PAFAH2: variants seen among roughly 807,000 people sequenced by gnomAD.
PAFAH2 encodes the protein platelet activating factor acetylhydrolase 2.
Under a neutral mutation model 49.0 loss-of-function variants are expected in PAFAH2, and 42 were observed. That is an observed-to-expected ratio of 0.86 (90% confidence interval 0.67 to 1.11). The LOEUF (loss-of-function observed/expected upper bound fraction) is 1.11. PAFAH2 is among the 50% of genes least tolerant of loss of function. The pLI is 0.00. For synonymous variants in PAFAH2, 184 were observed against 181.3 expected (o/e 1.01, Z -0.12); for missense variants, 503 against 501.8 (o/e 1.00, Z -0.02).
intron 8 of PAFAH2, among the ~76,000 whole-genome samples, chr1:25,975,719 A>T (rs548886829): frequency 6.6e-6 from 1 of 152,290 alleles, no homozygotes; most frequent in Non-Finnish European, 1.5e-5. Context: ...TAAATTTATC[A>T]TCTTTCACAT....
chr1:25,990,682 G>A (rs181070123), intron 2 of PAFAH2, 45 bp downstream of exon 2: 90 of 1,468,028 alleles, frequency 6.1e-5, no homozygotes, highest in South Asian at 3.5e-4. Flanking sequence ...TCACGGTGCC[G>A]GCAGAAGCAG....
At position 25,976,673 on chromosome 1, in the gene PAFAH2, G is replaced by T. The variant is rs374985340; in HGVS notation, c.758+9C>A. On this transcript the variant is annotated intron_variant, in intron 8 of 10. Coordinates refer to ENST00000374282, the MANE Select transcript of PAFAH2 (RefSeq NM_000437.4). ...GAGCTAAGCACAGCAACACTACTAG[G>T]AAACTCACCGAAATTGGGTCTCCTT... The T allele has an allele frequency of 5.6e-6, 9 of 1,607,376 alleles. No homozygotes were observed. The African/African-American group carries it at 1.1e-4, about 19-fold the overall frequency.
At chr1:25,995,256 G>A (rs930109073) in intron 1 of PAFAH2, among the ~76,000 whole-genome samples, 3 of 152,084 alleles carry the variant, frequency 2.0e-5, no homozygotes, top group Non-Finnish European at 2.9e-5. Flanking sequence ...TCCATTATCT[G>A]GTAACCAATC....
intron 10 of PAFAH2, among the ~76,000 whole-genome samples, chr1:25,967,525 G>A (rs540803991): frequency 6.8e-6 from 1 of 148,092 alleles, no homozygotes; most frequent in African/African-American, 2.5e-5. Flanking sequence ...AGTGAAGATG[G>A]GGGTTTCCCA....
At chr1:25,988,180 G>T in intron 4 of PAFAH2, 51 bp downstream of exon 4, 1 of 1,166,446 alleles carries the variant, frequency 8.6e-7, no homozygotes, top group Non-Finnish European at 1.2e-6. Context: ...AGACTCAGCA[G>T]CTGTCACCAG....
intron 10 of PAFAH2, among the ~76,000 whole-genome samples, chr1:25,962,846 A>G (rs1375724166): frequency 1.3e-5 from 2 of 151,912 alleles, no homozygotes; most frequent in African/African-American, 4.8e-5. Context: ...AGGCTGAGAA[A>G]ATGAAAAGTC....
intron 1 of PAFAH2, among the ~76,000 whole-genome samples, chr1:25,996,529 C>T (rs2124376918): frequency 6.6e-6 from 1 of 152,148 alleles, no homozygotes; most frequent in East Asian, 1.9e-4. Flanking sequence ...GTAGTCCCAG[C>T]TACTTGGGAG....
intron 10 of PAFAH2, among the ~76,000 whole-genome samples, chr1:25,963,628 T>C (rs1052789564): frequency 6.6e-6 from 1 of 152,156 alleles, no homozygotes; most frequent in Non-Finnish European, 1.5e-5. Flanking sequence ...CTCAGCCTCC[T>C]AAGTAGCTGG....
Position 25,970,994 on chromosome 1 carries a change from G to A in PAFAH2, c.1084+1564C>T, listed in dbSNP as rs145200083. Among the ~76,000 whole-genome samples the A allele has an allele frequency of 2.2e-3, 340 of 152,244 alleles. 2 individuals carry two copies. Among genetic ancestry groups the A allele is most frequent in the African/African-American group, 7.6e-3 (315 of 41,546 alleles). ...GAACCGGGACAGGTGGAGGTACCAC[G>A]AACATTTAGTTTAATAAACAGAACA... On this transcript the variant is annotated intron_variant, in intron 10 of 10. Transcript: ENST00000374282.
chr1:25,983,501 G>A (rs989336012), intron 6 of PAFAH2, among the ~76,000 whole-genome samples: 1 of 151,104 alleles, frequency 6.6e-6, no homozygotes, highest in African/African-American at 2.4e-5. Flanking sequence ...AGACTGCAGT[G>A]AGCCATGATC....
chr1:25,979,479 G>A (rs1032897340), intron 7 of PAFAH2, among the ~76,000 whole-genome samples: 6 of 151,840 alleles, frequency 4.0e-5, no homozygotes, highest in Admixed American at 3.3e-4. Flanking sequence ...ATGTCACCAC[G>A]CCCAGCTAAA....
chr1:25,987,379 G>A (rs1422267874), intron 4 of PAFAH2, among the ~76,000 whole-genome samples: 1 of 152,134 alleles, frequency 6.6e-6, no homozygotes, highest in Non-Finnish European at 1.5e-5. Flanking sequence ...AACATTCTGG[G>A]ACCTAAACTA....
chr1:25,962,778 T>C lies in PAFAH2; in HGVS notation c.1085-695A>G, dbSNP rs2049358082. ...AGTTGGCGGCAGTGAGCTGTGATAA[T>C]GCCACTGCACTCCAACCTGGGCAAC... On this transcript the variant is annotated intron_variant, in intron 10 of 10. Transcript: ENST00000374282. Among the ~76,000 whole-genome samples, 3 of 147,772 alleles carry C rather than the reference T, an allele frequency of 2.0e-5. No homozygotes were observed. The South Asian group carries it at 6.4e-4, about 31-fold the overall frequency.
At chr1:25,964,527 G>A (rs1204920111) in intron 10 of PAFAH2, among the ~76,000 whole-genome samples, 1 of 152,116 alleles carries the variant, frequency 6.6e-6, no homozygotes, top group Non-Finnish European at 1.5e-5. Flanking sequence ...GCAATAAAGT[G>A]AGACACTGTC....
At chr1:25,997,917 T>C (rs1265402938) in intron 1 of PAFAH2, 108 bp downstream of exon 1, 1 of 152,198 alleles carries the variant, frequency 6.6e-6, no homozygotes, top group Admixed American at 6.5e-5. Flanking sequence ...CGAAGATTAA[T>C]GTGCAATTCC....
chr1:25,990,550 G>A (rs2049856934), intron 2 of PAFAH2, among the ~76,000 whole-genome samples, 177 bp downstream of exon 2: 1 of 152,164 alleles, frequency 6.6e-6, no homozygotes. Flanking sequence ...TGTTTCTAAT[G>A]TTTGGAAAGA....
chr1:25,967,827 C>T (rs982360166), intron 10 of PAFAH2, among the ~76,000 whole-genome samples: 1 of 152,056 alleles, frequency 6.6e-6, no homozygotes, highest in Non-Finnish European at 1.5e-5. Flanking sequence ...CTAGGAGAAA[C>T]TTCAGCATGA....
chr1:25,974,589 G>A lies in PAFAH2; in HGVS notation c.820C>T (p.Arg274Ter), dbSNP rs375730731. ...GTATTGATAAAGAACACAGGTCCTC[G>A]GGCCTTGGGGTAAAAGTCACGTTCC... ...PLERDFYPKA[R>*]GPVFFINTEK... Residue 274 changes from arginine (R) to a stop codon, truncating the protein, a stop_gained, in exon 9 of 11, where the codon CGA becomes TGA. Coordinates refer to ENST00000374282, the MANE Select transcript of PAFAH2 (RefSeq NM_000437.4). LOFTEE classifies it high-confidence loss of function. 6.6e-5 allele frequency: 106 copies of A among 1,614,046 alleles called. 1 individual carries two copies. The highest frequency in any genetic ancestry group is 4.2e-4 in the Admixed American group (25 of 60,006).
chr1:25,989,581 G>C lies in PAFAH2; in HGVS notation c.111C>G (p.Phe37Leu). The change falls in exon 3 of 11, where the codon TTC becomes TTG. Residue 37 changes from phenylalanine to leucine, a missense_variant. Phe to Leu is a conservative substitution (Grantham distance 22, BLOSUM62 0). Coordinates refer to ENST00000374282, the MANE Select transcript of PAFAH2 (RefSeq NM_000437.4). ...TCTCCTCTGCCTTTTGGCAGGGGTA[G>C]AAGAGTCGAAAGAAGCTCCCCTGTA... ...QNLQGSFFRL[F>L]YPCQKAEETM... is the part of the protein sequence containing the mutation. The C allele has an allele frequency of 6.3e-7, 1 of 1,595,118 alleles. No individual in the cohort carries two copies. The highest frequency in any genetic ancestry group is 8.5e-7 in the Non-Finnish European group (1 of 1,171,238).
Sources: allele counts gnomAD v4.1 joint callset (sites outside exome capture counted in the v4.1 genomes callset), GRCh38; gene constraint gnomAD v4.1.1; transcripts MANE v1.5; gene names NCBI Gene and HGNC (gene_info 2026-07-23, HGNC 2026-07-21).